The following PRKN variants were observed in gnomAD, a reference collection of about 807,000 sequenced individuals.
PRKN encodes the protein parkin RBR E3 ubiquitin protein ligase.
A neutral mutation model predicts 59.5 loss-of-function variants in PRKN; 56 were observed. The ratio of observed to expected loss-of-function variants is 0.94; its 90% confidence interval spans 0.76 to 1.18. PRKN has a LOEUF of 1.18. Among genes scored for constraint, PRKN ranks in the 50% most tolerant of loss-of-function variants. The pLI is 0.00. For missense variants in PRKN, 657 were observed against 596.4 expected (o/e 1.10, Z -1.06); for synonymous variants, 250 against 222.1 (o/e 1.13, Z -1.12).
At chr6:161,778,905 T>G (rs1263655102) in intron 7 of PRKN, among the ~76,000 whole-genome samples, 1 of 152,174 alleles carries the variant, frequency 6.6e-6, no homozygotes, top group Non-Finnish European at 1.5e-5. Context: ...CAGAATTAAC[T>G]GTCATTTCTG....
rs888234409 is a variant in PRKN at position 161,428,012 on chromosome 6, C to T, written c.1084-41135G>A. Among the ~76,000 whole-genome samples the T allele has an allele frequency of 6.6e-6, 1 of 152,144 alleles. No individual in the cohort carries two copies. Among genetic ancestry groups the T allele is most frequent in the Admixed American group, 6.5e-5 (1 of 15,280 alleles). ...CAGAGGGTCCCGACAGAGGGTGACA[C>T]TTGCATGGTTGCAGAAGGAAGCTCG... On this transcript the variant is annotated intron_variant, in intron 9 of 11. Transcript: ENST00000366898. This position sits in a 1 kb window ranked among gnomAD's most constrained non-coding sequence, Gnocchi z 4.0.
chr6:162,690,032 G>A (rs1433042424), intron 1 of PRKN, among the ~76,000 whole-genome samples: 2 of 151,642 alleles, frequency 1.3e-5, no homozygotes, highest in African/African-American at 2.4e-5. Flanking sequence ...ATATTCATGT[G>A]GGTTAAATAA....
At chr6:162,495,367 T>C (rs1793009968) in intron 1 of PRKN, among the ~76,000 whole-genome samples, 1 of 152,230 alleles carries the variant, frequency 6.6e-6, no homozygotes, top group African/African-American at 2.4e-5. Flanking sequence ...CAGCACTTTT[T>C]GGTCTTTTTA....
chr6:161,573,847 G>T (rs1781029265), intron 7 of PRKN, among the ~76,000 whole-genome samples: 1 of 127,352 alleles, frequency 7.9e-6, no homozygotes, highest in Non-Finnish European at 1.6e-5. Flanking sequence ...TTCTTTACAA[G>T]CGGTCTTTTA....
At chr6:161,600,847 C>G (rs1455339772) in intron 7 of PRKN, among the ~76,000 whole-genome samples, 1 of 152,104 alleles carries the variant, frequency 6.6e-6, no homozygotes, top group Admixed American at 6.6e-5. Context: ...GCAGCTAAGT[C>G]ATAATCTTAC....
intron 4 of PRKN, among the ~76,000 whole-genome samples, chr6:162,092,457 AT>A (rs1779537962): frequency 6.6e-6 from 1 of 152,238 alleles, no homozygotes; most frequent in Admixed American, 6.5e-5. Context: ...ATTATAAAAA[AT>A]TTTGTTTTAA....
chr6:162,509,372 A>C (rs909312473), intron 1 of PRKN, among the ~76,000 whole-genome samples: 5 of 152,330 alleles, frequency 3.3e-5, no homozygotes, highest in Middle Eastern at 3.4e-3. Flanking sequence ...CAGGCAATCC[A>C]GTATATATGA....
intron 7 of PRKN, among the ~76,000 whole-genome samples, chr6:161,674,516 C>T (rs1785019620): frequency 6.6e-6 from 1 of 152,048 alleles, no homozygotes; most frequent in Non-Finnish European, 1.5e-5. Context: ...CCTGAAATCA[C>T]AATGTATCAT....
chr6:161,598,565 C>T (rs1781998645), intron 7 of PRKN, among the ~76,000 whole-genome samples: 1 of 152,148 alleles, frequency 6.6e-6, no homozygotes, highest in Admixed American at 6.5e-5. Context: ...AAAACATATA[C>T]ACGCATATGA....
At chr6:161,825,770 G>C (rs1008916474) in intron 6 of PRKN, among the ~76,000 whole-genome samples, 19 of 152,028 alleles carry the variant, frequency 1.2e-4, no homozygotes, top group African/African-American at 3.4e-4. Context: ...GAGGATTCTG[G>C]GTAAACAAAG....
chr6:161,485,507 TA>T (rs1791607454), intron 9 of PRKN, among the ~76,000 whole-genome samples: 2 of 152,212 alleles, frequency 1.3e-5, no homozygotes, highest in South Asian at 4.1e-4. Context: ...AAACTATATT[TA>T]TTTTAAAGTC....
intron 9 of PRKN, among the ~76,000 whole-genome samples, chr6:161,420,312 T>C (rs1329246740): frequency 6.6e-6 from 1 of 151,638 alleles, no homozygotes; most frequent in African/African-American, 2.4e-5. Context: ...GTAATGAATA[T>C]GCAATAAAGC....
intron 3 of PRKN, among the ~76,000 whole-genome samples, chr6:162,201,648 G>C (rs971124151): frequency 6.6e-6 from 1 of 152,128 alleles, no homozygotes; most frequent in Non-Finnish European, 1.5e-5. Flanking sequence ...TTTGAAGACT[G>C]CAGATTTTTC....
chr6:161,525,357 G>A lies in PRKN; in HGVS notation c.1083+23497C>T, dbSNP rs1778979880. ...GGGTCCACCTCTCCCAGGTCCTGAGGACTTTCCTCCTGGAGCCTAGCCTGC... is the reference window on the plus strand; with the variant it reads ...GGGTCCACCTCTCCCAGGTCCTGAGAACTTTCCTCCTGGAGCCTAGCCTGC... On this transcript the variant is annotated intron_variant, in intron 9 of 11. Transcript: ENST00000366898. This position sits in a 1 kb window ranked among gnomAD's most constrained non-coding sequence, Gnocchi z 4.7. 6.6e-6 allele frequency among the ~76,000 whole-genome samples: 1 copy of A among 152,148 alleles called. No homozygotes were observed. Among genetic ancestry groups the A allele is most frequent in the African/African-American group, 2.4e-5 (1 of 41,448 alleles).
intron 7 of PRKN, among the ~76,000 whole-genome samples, chr6:161,690,958 AATCCATCCATCCATCCATCCATCC>A (rs35211075): frequency 1.4e-5 from 2 of 145,722 alleles, no homozygotes; most frequent in Non-Finnish European, 3.0e-5. Flanking sequence ...TCGATTGAAC[AATCCATCCATCCATCCATCCATCC>A]ATCCATCCAT....
At chr6:162,708,356 T>C (rs1283393731) in intron 1 of PRKN, among the ~76,000 whole-genome samples, 1 of 152,184 alleles carries the variant, frequency 6.6e-6, no homozygotes, top group African/African-American at 2.4e-5. Context: ...TTCAAGATAA[T>C]AGAAGTAGAA....
intron 6 of PRKN, among the ~76,000 whole-genome samples, chr6:161,930,535 C>T (rs771275842): frequency 6.6e-6 from 1 of 152,152 alleles, no homozygotes; most frequent in African/African-American, 2.4e-5. Flanking sequence ...CTGAGTACCT[C>T]GTTGTAATAC....
rs113288203 is a variant in PRKN, at chr6:162,401,470, C to T, written c.171+41840G>A. On this transcript the variant is annotated intron_variant, in intron 2 of 11. Coordinates refer to ENST00000366898, the MANE Select transcript of PRKN (RefSeq NM_004562.3). Reference sequence around the variant, plus strand: ...AATGTGTTCAGAACACTTACATTAGCCTACAGCTGGGCAAAATCATCTAAG... The same window carrying T: ...AATGTGTTCAGAACACTTACATTAGTCTACAGCTGGGCAAAATCATCTAAG... 9.2e-5 allele frequency among the ~76,000 whole-genome samples: 14 copies of T among 152,208 alleles called. 1 individual carries two copies. Among genetic ancestry groups the T allele is most frequent in the African/African-American group, 2.6e-4 (11 of 41,538 alleles).
chr6:162,222,495 T>C (rs1480252028), intron 3 of PRKN, among the ~76,000 whole-genome samples: 1 of 152,160 alleles, frequency 6.6e-6, no homozygotes, highest in Non-Finnish European at 1.5e-5. Context: ...AAAGCAACCA[T>C]GGCTGACAGC....
Sources: allele counts gnomAD v4.1 joint callset (sites outside exome capture counted in the v4.1 genomes callset), GRCh38; gene constraint gnomAD v4.1.1; non-coding constraint Gnocchi (gnomAD v3.1); transcripts MANE v1.5; gene names NCBI Gene and HGNC (gene_info 2026-07-23, HGNC 2026-07-21).